CNTN4: variants seen among roughly 807,000 people sequenced by gnomAD.
CNTN4 encodes contactin-4.
Under a neutral mutation model 122.5 loss-of-function variants are expected in CNTN4, and 77 were observed. That is an observed-to-expected ratio of 0.63 (90% CI 0.52 to 0.76). The LOEUF (loss-of-function observed/expected upper bound fraction) is 0.76, where lower values mean the gene tolerates loss of function less well. Ranked by LOEUF, CNTN4 falls within the 30% of genes least tolerant of loss-of-function variation. The pLI is 0.00. For synonymous variants in CNTN4, 512 were observed against 447.0 expected (o/e 1.15, Z -1.83); for missense variants, 1,256 against 1,259.1 (o/e 1.00, Z 0.04).
chr3:2,969,461 A>G (rs1692657953), intron 13 of CNTN4, among the ~76,000 whole-genome samples: 2 of 152,254 alleles, frequency 1.3e-5, no homozygotes, highest in East Asian at 3.9e-4. Flanking sequence ...TGTTACAGCC[A>G]CCCAAAGTAC....
At chr3:2,358,864 T>TTC (rs1559483715) in intron 3 of CNTN4, among the ~76,000 whole-genome samples, 1 of 152,186 alleles carries the variant, frequency 6.6e-6, no homozygotes, top group Non-Finnish European at 1.5e-5. Context: ...TACCAGAGGA[T>TTC]GTCATGAATG....
intron 4 of CNTN4, among the ~76,000 whole-genome samples, chr3:2,601,369 A>G (rs189386530): frequency 1.0e-3 from 158 of 152,216 alleles, no homozygotes; most frequent in Non-Finnish European, 1.6e-3. Flanking sequence ...ATCTTGAATT[A>G]ATTTTTGTAT....
intron 3 of CNTN4, among the ~76,000 whole-genome samples, chr3:2,466,085 A>G (rs985159734): frequency 1.3e-5 from 2 of 152,196 alleles, no homozygotes; most frequent in African/African-American, 4.8e-5. Flanking sequence ...AACCAACACT[A>G]CATGAAGCCA....
chr3:2,174,515 G>T (rs2036664209), intron 2 of CNTN4, among the ~76,000 whole-genome samples: 1 of 152,122 alleles, frequency 6.6e-6, no homozygotes, highest in African/African-American at 2.4e-5. Context: ...AAAGGACCAA[G>T]GAACTCTCCT....
intron 4 of CNTN4, among the ~76,000 whole-genome samples, chr3:2,657,005 G>A (rs2150245172): frequency 1.3e-5 from 2 of 152,308 alleles, no homozygotes; most frequent in South Asian, 4.1e-4. Flanking sequence ...GTGTTTTGAT[G>A]TGATCTGGAA....
intron 14 of CNTN4, among the ~76,000 whole-genome samples, chr3:3,022,931 T>C (rs1327521929): frequency 1.3e-5 from 2 of 152,166 alleles, no homozygotes; most frequent in Non-Finnish European, 2.9e-5. Context: ...CAGTTCTAAT[T>C]GCCTTTGAGA....
intron 14 of CNTN4, among the ~76,000 whole-genome samples, chr3:3,001,774 T>C (rs1204330518): frequency 6.6e-6 from 1 of 152,146 alleles, no homozygotes; most frequent in Non-Finnish European, 1.5e-5. Context: ...TTGACCATGA[T>C]GGGGATTTGA....
chr3:2,559,704 G>A (rs1368649776), intron 3 of CNTN4, among the ~76,000 whole-genome samples: 1 of 152,120 alleles, frequency 6.6e-6, no homozygotes, highest in Non-Finnish European at 1.5e-5. Context: ...GAAGGCTTCT[G>A]GAAAATGATT....
intron 4 of CNTN4, among the ~76,000 whole-genome samples, chr3:2,660,569 G>A (rs1268821323): frequency 1.3e-5 from 2 of 152,184 alleles, no homozygotes; most frequent in South Asian, 2.1e-4. Flanking sequence ...AATTAAAACT[G>A]TGGTATGGAG....
chr3:2,616,387 A>G (rs998305476), intron 4 of CNTN4, among the ~76,000 whole-genome samples: 1 of 152,128 alleles, frequency 6.6e-6, no homozygotes, highest in Admixed American at 6.6e-5. Flanking sequence ...ATTGTTGGTC[A>G]TTCAGGTTAG....
At chr3:2,910,177 A>C (rs954705934) in intron 12 of CNTN4, among the ~76,000 whole-genome samples, 1 of 152,230 alleles carries the variant, frequency 6.6e-6, no homozygotes, top group Non-Finnish European at 1.5e-5. Flanking sequence ...TCTGGTAGTT[A>C]AAGCCAACTG....
chr3:2,304,240 C>A (rs1400960346), intron 2 of CNTN4, among the ~76,000 whole-genome samples: 1 of 151,990 alleles, frequency 6.6e-6, no homozygotes, highest in African/African-American at 2.4e-5. Flanking sequence ...TAACTTTATC[C>A]TTCATATCAA....
intron 4 of CNTN4, among the ~76,000 whole-genome samples, chr3:2,616,299 T>C (rs1576230240): frequency 1.3e-5 from 2 of 152,242 alleles, no homozygotes; most frequent in African/African-American, 4.8e-5. Context: ...TCCAGCTTCA[T>C]CCATGATCTC....
chr3:2,538,781 T>C (rs1199074215), intron 3 of CNTN4, among the ~76,000 whole-genome samples: 1 of 151,970 alleles, frequency 6.6e-6, no homozygotes, highest in Non-Finnish European at 1.5e-5. Flanking sequence ...ATTTTTCTTA[T>C]GTATTCATGC....
intron 6 of CNTN4, among the ~76,000 whole-genome samples, chr3:2,768,871 G>A (rs1348911478): frequency 6.6e-6 from 1 of 152,084 alleles, no homozygotes; most frequent in Admixed American, 6.6e-5. Context: ...TACACATGTA[G>A]AATGTGAAGC....
chr3:2,118,986 C>G (rs150738575), intron 2 of CNTN4, among the ~76,000 whole-genome samples: 3,411 of 152,216 alleles, frequency 0.022, 52 homozygotes, highest in Middle Eastern at 0.088. Context: ...CAGGCTAGGT[C>G]TGGATATTTG....
chr3:2,845,753 T>G (rs900361609), intron 7 of CNTN4, among the ~76,000 whole-genome samples: 2 of 152,014 alleles, frequency 1.3e-5, no homozygotes, highest in African/African-American at 4.8e-5. Flanking sequence ...TAACAGAGAG[T>G]CAGTGACGTG....
chr3:2,520,597 T>C (rs1192221659), intron 3 of CNTN4, among the ~76,000 whole-genome samples: 2 of 152,042 alleles, frequency 1.3e-5, no homozygotes, highest in Non-Finnish European at 2.9e-5. Flanking sequence ...TTAAAAAAAC[T>C]TTTGATACTC....
chr3:2,769,785 G>A (rs941796581), intron 6 of CNTN4, among the ~76,000 whole-genome samples: 1 of 152,188 alleles, frequency 6.6e-6, no homozygotes, highest in African/African-American at 2.4e-5. Context: ...CTTCTTGCCT[G>A]CAGCACAGGC....
Sources: allele counts gnomAD v4.1 joint callset (sites outside exome capture counted in the v4.1 genomes callset), GRCh38; gene constraint gnomAD v4.1.1; transcripts MANE v1.5; gene names NCBI Gene and HGNC (gene_info 2026-07-23, HGNC 2026-07-21).